The following EIF2B1 variants were observed in gnomAD, a reference collection of about 807,000 sequenced individuals.
The protein encoded by EIF2B1 is eukaryotic translation initiation factor 2B subunit alpha, also known as translation initiation factor eIF2B subunit alpha.
EIF2B1 carries 30 observed loss-of-function variants against 36.8 expected under a neutral mutation model. The observed-to-expected ratio is 0.81, with a 90% CI of 0.61 to 1.10. EIF2B1 has a LOEUF of 1.10. EIF2B1 is among the 50% of genes least tolerant of loss of function. EIF2B1 has a pLI of 0.00. For missense variants in EIF2B1, 271 were observed against 374.8 expected (o/e 0.72, Z 2.29); for synonymous variants, 139 against 142.2 (o/e 0.98, Z 0.16).
At position 123,621,253 on chromosome 12, in the gene EIF2B1, T is replaced by G; in HGVS notation, c.*503A>C. 4.7e-6 allele frequency: 1 copy of G among 212,972 alleles called. No homozygotes were observed. The highest frequency in any genetic ancestry group is 9.6e-6 in the Non-Finnish European group (1 of 104,586). 13.2% of individuals were successfully genotyped at this position (212,972 alleles called of 1,614,324 possible). ...TCTTGGTAGTTTTTACTGTTTGGCT[T>G]GATCCTGCTGAGGAATGTGCTTACC... On this transcript the variant is annotated 3_prime_UTR_variant, in exon 9 of 9. Coordinates refer to ENST00000424014, the MANE Select transcript of EIF2B1 (RefSeq NM_001414.4).
intron 5 of EIF2B1, 138 bp downstream of exon 5, chr12:123,626,906 G>C: frequency 1.2e-6 from 1 of 802,042 alleles, no homozygotes; most frequent in Non-Finnish European, 2.1e-6. Flanking sequence ...TCCAAAGGCA[G>C]GAAAAGGTAC....
rs367894750 is a variant in EIF2B1 at position 123,620,438 on chromosome 12, C to T, written c.*1318G>A. 1.3e-4 allele frequency: 27 copies of T among 210,140 alleles called. No homozygotes were observed. The highest frequency in any genetic ancestry group is 5.5e-4 in the East Asian group (6 of 10,822). The allele number at this position is 210,140 out of a possible 1,614,324, so 13.0% of individuals were successfully genotyped here. ...GTTCAAGACCAGCCTGGGAACACAG[C>T]GAGACCCTCTCATTAAAAACAACAA... is the stretch of plus-strand genomic sequence containing the variant. On this transcript the variant is annotated 3_prime_UTR_variant, in exon 9 of 9. Coordinates refer to ENST00000424014, the MANE Select transcript of EIF2B1 (RefSeq NM_001414.4).
In EIF2B1 at chr12:123,633,300, C is replaced by A. The variant is rs969225372; in HGVS notation, c.13+245G>T. Among the ~76,000 whole-genome samples, 3 of 150,688 alleles carry A rather than the reference C, an allele frequency of 2.0e-5. No homozygotes were observed. The East Asian group carries it at 5.8e-4, about 29-fold the overall frequency. Reference sequence around the variant, plus strand: ...AATTTTAATGACAGATCCAACAAGGCAGGAAGGAGACTGGCACTGGGAAGG... The same window carrying A: ...AATTTTAATGACAGATCCAACAAGGAAGGAAGGAGACTGGCACTGGGAAGG... On this transcript the variant is annotated intron_variant, in intron 1 of 8. Transcript: ENST00000424014.
intron 8 of EIF2B1, 64 bp from the exon 9 acceptor site, chr12:123,621,984 G>C: frequency 6.3e-7 from 1 of 1,591,840 alleles, no homozygotes; most frequent in East Asian, 2.3e-5. Flanking sequence ...GTAGGGCCTT[G>C]GTGTGAGTGA....
At position 123,630,633 on chromosome 12, in the gene EIF2B1, C is replaced by T; in HGVS notation, c.116-100G>A. The T allele has an allele frequency of 6.7e-7, 1 of 1,481,502 alleles. No individual in the cohort carries two copies. The highest frequency in any genetic ancestry group is 9.3e-7 in the Non-Finnish European group (1 of 1,077,374). The allele number at this position is 1,481,502 out of a possible 1,614,324, so 91.8% of individuals were successfully genotyped here. The stretch of plus-strand genomic sequence containing the variant: ...TCATTCAGTGAATATTTACTAGGTA[C>T]ATACTATATACCAGGCACTATTCTA... On this transcript the variant is annotated intron_variant, in intron 2 of 8. Coordinates refer to ENST00000424014, the MANE Select transcript of EIF2B1 (RefSeq NM_001414.4). The surrounding 1 kb of genome is among the most constrained non-coding windows in gnomAD (Gnocchi z 4.6).
chr12:123,622,921 G>A (rs1426202291), intron 7 of EIF2B1, among the ~76,000 whole-genome samples, 160 bp from the exon 8 acceptor site: 1 of 148,402 alleles, frequency 6.7e-6, no homozygotes, highest in Admixed American at 6.7e-5. Context: ...ACCAGCCTAG[G>A]CAACACGGTG....
At chr12:123,632,280 A>AG in intron 2 of EIF2B1, 65 bp downstream of exon 2, 2 of 1,120,902 alleles carry the variant, frequency 1.8e-6, no homozygotes, top group East Asian at 2.3e-5. Flanking sequence ...TAAAAAAAAA[A>AG]AAAAAGAAAA....
intron 6 of EIF2B1, 98 bp from the exon 7 acceptor site, chr12:123,624,960 T>C (rs994666001): frequency 3.4e-6 from 4 of 1,160,338 alleles, no homozygotes; most frequent in Admixed American, 3.6e-5. Flanking sequence ...TCAAGGTAAG[T>C]TCCTCCCATA....
In EIF2B1 at chr12:123,621,645, A is replaced by G; in HGVS notation, c.*111T>C. The G allele has an allele frequency of 7.2e-7, 1 of 1,391,448 alleles. No individual in the cohort carries two copies. The highest frequency in any genetic ancestry group is 1.0e-6 in the Non-Finnish European group (1 of 987,482). 86.2% of individuals were successfully genotyped at this position (1,391,448 alleles called of 1,614,324 possible). A position where few individuals can be genotyped will look rare whatever the true frequency, so the allele number is the denominator to read the frequency against. On this transcript the variant is annotated 3_prime_UTR_variant, in exon 9 of 9. Transcript: ENST00000424014. ...GTATGATTTTAAGTCCTTACTCCAT[A>G]AATCTTCATTAAACACATCTCAGTT...
intron 6 of EIF2B1, among the ~76,000 whole-genome samples, chr12:123,625,669 ACT>A (rs1955143163): frequency 6.6e-6 from 1 of 152,228 alleles, no homozygotes; most frequent in African/African-American, 2.4e-5. Context: ...TGGGAAATAC[ACT>A]GACAATCCCA....
chr12:123,633,318 T>G (rs1287651495), intron 1 of EIF2B1, among the ~76,000 whole-genome samples: 2 of 151,174 alleles, frequency 1.3e-5, no homozygotes, highest in Admixed American at 1.3e-4. Flanking sequence ...AGACTGGCAC[T>G]GGGAAGGAGC....
chr12:123,633,658 T>G lies in EIF2B1; in HGVS notation c.-101A>C, dbSNP rs1051394759. The G allele has an allele frequency of 3.5e-5, 54 of 1,556,862 alleles. No individual in the cohort carries two copies. The highest frequency in any genetic ancestry group is 4.4e-5 in the Non-Finnish European group (50 of 1,142,096). On this transcript the variant is annotated 5_prime_UTR_variant, in exon 1 of 9. Coordinates refer to ENST00000424014, the MANE Select transcript of EIF2B1 (RefSeq NM_001414.4). ...CCTGCGAGCCAGTCTGACAGCGCGC[T>G]GCACACCTCCGCACCCCACTTCCGG...
At chr12:123,631,291 T>G (rs1004583) in intron 2 of EIF2B1, among the ~76,000 whole-genome samples, 1,650 of 152,296 alleles carry the variant, frequency 0.011, 30 homozygotes, top group African/African-American at 0.037. Flanking sequence ...AGGTCTGAAA[T>G]GAAGGCAGAA....
intron 7 of EIF2B1, among the ~76,000 whole-genome samples, chr12:123,623,744 G>A (rs1239692901): frequency 6.6e-6 from 1 of 152,138 alleles, no homozygotes; most frequent in African/African-American, 2.4e-5. Flanking sequence ...AAAGTGCTGG[G>A]ATTATAGGCG....
rs768111723 is a variant in EIF2B1 at position 123,633,654 on chromosome 12, GCGCTGCACACCTC to G, written c.-110_-98del. On this transcript the variant is annotated 5_prime_UTR_variant, in exon 1 of 9. Coordinates refer to ENST00000424014, the MANE Select transcript of EIF2B1 (RefSeq NM_001414.4). ...GCCGCCTGCGAGCCAGTCTGACAGC[GCGCTGCACACCTC>G]CGCACCCCACTTCCGGCGCACTTCC... 8.9e-6 allele frequency: 14 copies of G among 1,564,256 alleles called. No homozygotes were observed. The South Asian group carries it at 1.6e-4, about 17-fold the overall frequency.
Position 123,626,474 on chromosome 12 carries a change from G to C in EIF2B1, c.502C>G (p.Leu168Val), listed in dbSNP as rs764992455. 9 of 1,613,992 alleles carry C rather than the reference G, an allele frequency of 5.6e-6. No homozygotes were observed. The East Asian group carries it at 1.1e-4, about 20-fold the overall frequency. The stretch of plus-strand genomic sequence containing the variant: ...GTGACAGGGACGTTGAGGTGGCAGA[G>C]GGCTTTGGCCATTTTCTTACTGAAG... ...DLSGKKMAKA[L>V]CHLNVPVTVV... Residue 168 changes from leucine (L) to valine (V), a missense_variant, in exon 6 of 9, where the codon CTC (leucine) becomes GTC (valine). Leu to Val is a conservative substitution (Grantham distance 32, BLOSUM62 1). Transcript: ENST00000424014.
chr12:123,621,946 G>C (rs370901924), intron 8 of EIF2B1, 26 bp from the exon 9 acceptor site: 1 of 1,612,954 alleles, frequency 6.2e-7, no homozygotes, highest in Non-Finnish European at 8.5e-7. Flanking sequence ...CACATTAGTC[G>C]GCACTGAATA....
intron 4 of EIF2B1, among the ~76,000 whole-genome samples, chr12:123,629,821 A>G (rs1955174771): frequency 6.6e-6 from 1 of 151,834 alleles, no homozygotes; most frequent in Non-Finnish European, 1.5e-5. Context: ...AATAAAATAA[A>G]TCAAGAATCA....
intron 4 of EIF2B1, among the ~76,000 whole-genome samples, chr12:123,628,351 CTTTTTTTTT>C (rs958119194): frequency 9.3e-4 from 70 of 74,986 alleles, no homozygotes; most frequent in Admixed American, 4.3e-3. Context: ...CCCATAACCT[CTTTTTTTTT>C]TTTTTTTTTT....
Sources: gnomAD v4.1 joint callset for allele counts (sites outside exome capture counted in the v4.1 genomes callset) on GRCh38, gnomAD v4.1.1 for gene constraint, Gnocchi (gnomAD v3.1) non-coding constraint, MANE v1.5 for transcripts, NCBI Gene and HGNC (gene_info 2026-07-23, HGNC 2026-07-21) for gene names.